RERE: variants seen among roughly 807,000 people sequenced by gnomAD.
RERE encodes arginine-glutamic acid dipeptide repeats.
Under a neutral mutation model 146.1 loss-of-function variants are expected in RERE, and 40 were observed. The ratio of observed to expected loss-of-function variants is 0.27; its 90% CI spans 0.21 to 0.36. RERE has a LOEUF of 0.36. Among genes scored for constraint, RERE ranks in the 10% least tolerant of loss-of-function variants. The pLI, the probability that RERE is intolerant of heterozygous loss-of-function variation, is 1.00. For missense variants in RERE, 1,933 were observed against 2,138.7 expected (o/e 0.90, Z 1.90); for synonymous variants, 1,003 against 866.0 (o/e 1.16, Z -2.78).
At chr1:8,472,844 G>A (rs1449265295) in intron 10 of RERE, among the ~76,000 whole-genome samples, 3 of 151,812 alleles carry the variant, frequency 2.0e-5, no homozygotes, top group Non-Finnish European at 4.4e-5. Flanking sequence ...ACAGGTGTGT[G>A]GCAGTGGTGC....
Position 8,760,279 on chromosome 1 carries a change from G to A in RERE, c.-145+56881C>T, listed in dbSNP as rs191133539. On this transcript the variant is annotated intron_variant, in intron 1 of 22. Coordinates refer to ENST00000400908, the MANE Select transcript of RERE (RefSeq NM_001042681.2). ...TGACCTCAGGTGATCCGCCCGCCTC[G>A]GCCTCCCAAAGTGCAGGGATTAGAG... Among the ~76,000 whole-genome samples the A allele has an allele frequency of 2.9e-3, 446 of 152,280 alleles. 2 individuals carry two copies. The highest frequency in any genetic ancestry group is 0.01 in the African/African-American group (423 of 41,556).
chr1:8,441,597 G>C (rs986402757), intron 11 of RERE, among the ~76,000 whole-genome samples: 1 of 152,206 alleles, frequency 6.6e-6, no homozygotes, highest in African/African-American at 2.4e-5. Flanking sequence ...GGTCCTAGTG[G>C]AAGTGTCATC....
chr1:8,366,054 A>G (rs1397078211), intron 12 of RERE, 80 bp from the exon 13 acceptor site: 2 of 1,419,468 alleles, frequency 1.4e-6, no homozygotes, highest in African/African-American at 1.4e-5. Context: ...CACAGTGGAA[A>G]GCTGGGTGTT....
At chr1:8,473,118 C>CTCTGGGTG (rs1411410626) in intron 10 of RERE, among the ~76,000 whole-genome samples, 1 of 152,166 alleles carries the variant, frequency 6.6e-6, no homozygotes, top group Non-Finnish European at 1.5e-5. Context: ...GGCCTTTGGT[C>CTCTGGGTG]TCTGGGTGTG....
In RERE at chr1:8,694,979, G is replaced by GGC. The variant is rs1553135252; in HGVS notation, c.-144-38539_-144-38538insGC. 4.5e-4 allele frequency among the ~76,000 whole-genome samples: 62 copies of GGC among 137,904 alleles called. 12 individuals are homozygous for GGC. The highest frequency in any genetic ancestry group is 1.4e-3 in the African/African-American group (52 of 36,406). The allele number at this position is 137,904 out of a possible 152,430, so 90.5% of individuals were successfully genotyped here. A position where few individuals can be genotyped will look rare whatever the true frequency, so the allele number is the denominator to read the frequency against. ...AAGAGCCAAAGAAATCCTAAGGGGGGGGGGGGAATGCTGGCAGCATCACAT... is the reference window on the plus strand; with the variant it reads ...AAGAGCCAAAGAAATCCTAAGGGGGGGCGGGGGGAATGCTGGCAGCATCACAT... On this transcript the variant is annotated intron_variant, in intron 1 of 22. Coordinates refer to ENST00000400908, the MANE Select transcript of RERE (RefSeq NM_001042681.2).
chr1:8,615,292 C>G (rs531656700), intron 3 of RERE, among the ~76,000 whole-genome samples: 2 of 152,296 alleles, frequency 1.3e-5, no homozygotes, highest in South Asian at 4.1e-4. Flanking sequence ...TTTCTCCAAA[C>G]GCCCACAAGG....
At chr1:8,625,813 A>C (rs548867321) in intron 2 of RERE, among the ~76,000 whole-genome samples, 1 of 152,350 alleles carries the variant, frequency 6.6e-6, no homozygotes, top group Non-Finnish European at 1.5e-5. Context: ...AAGTCCTCAC[A>C]AATGAGTACA....
At chr1:8,751,776 TTAAAA>T (rs1440331321) in intron 1 of RERE, among the ~76,000 whole-genome samples, 29 of 125,062 alleles carry the variant, frequency 2.3e-4, no homozygotes, top group Non-Finnish European at 3.8e-4. Flanking sequence ...CCCTTTCACT[TTAAAA>T]AAAAAAAAAA....
chr1:8,414,513 G>A (rs974749512), intron 12 of RERE, among the ~76,000 whole-genome samples: 7 of 152,106 alleles, frequency 4.6e-5, no homozygotes, highest in African/African-American at 1.7e-4. Context: ...CTGAGATCGC[G>A]CCACTGCACT....
chr1:8,462,351 G>A (rs1035760056), intron 11 of RERE, among the ~76,000 whole-genome samples: 2 of 152,252 alleles, frequency 1.3e-5, no homozygotes, highest in African/African-American at 4.8e-5. Context: ...AAGGAATGAA[G>A]AGCTGGGGAT....
intron 1 of RERE, among the ~76,000 whole-genome samples, chr1:8,728,568 A>C (rs1204974184): frequency 6.6e-6 from 1 of 152,154 alleles, no homozygotes; most frequent in Non-Finnish European, 1.5e-5. Flanking sequence ...TCAATTACCC[A>C]CAGTTATTTG....
intron 12 of RERE, among the ~76,000 whole-genome samples, chr1:8,422,515 C>CCAGGCGGATAAGCATAATCTGTCACTTTA (rs1266878590): frequency 8.5e-5 from 13 of 152,180 alleles, no homozygotes; most frequent in African/African-American, 3.1e-4. Flanking sequence ...TCTATGTTCT[C>CCAGGCGGATAAGCATAATCTGTCACTTTA]CAGGCGGATA....
intron 12 of RERE, among the ~76,000 whole-genome samples, chr1:8,414,055 CAAA>C (rs71580026): frequency 1.1e-5 from 1 of 91,762 alleles, no homozygotes. Flanking sequence ...AACTCCATCT[CAAA>C]AAAAAAAAAA....
intron 12 of RERE, among the ~76,000 whole-genome samples, chr1:8,412,950 G>C (rs929558468): frequency 1.3e-5 from 2 of 152,174 alleles, no homozygotes; most frequent in Non-Finnish European, 2.9e-5. Context: ...TCCTATGACT[G>C]TTGATGGATT....
chr1:8,458,254 A>G (rs531046632), intron 11 of RERE, among the ~76,000 whole-genome samples: 1 of 152,146 alleles, frequency 6.6e-6, no homozygotes, highest in Non-Finnish European at 1.5e-5. Context: ...TTTTAAATGA[A>G]CAGAGAAAGA....
intron 1 of RERE, among the ~76,000 whole-genome samples, chr1:8,666,795 A>G (rs760796549): frequency 4.3e-4 from 66 of 152,230 alleles, no homozygotes; most frequent in Non-Finnish European, 6.0e-4. Flanking sequence ...TGGTATTGAG[A>G]GTTTTTCCAT....
chr1:8,509,744 T>C (rs1317164565), intron 7 of RERE, among the ~76,000 whole-genome samples: 1 of 152,092 alleles, frequency 6.6e-6, no homozygotes, highest in East Asian at 1.9e-4. Flanking sequence ...CAGTGAGCCA[T>C]GTTCGCACCA....
chr1:8,780,151 T>C (rs191000577), intron 1 of RERE, among the ~76,000 whole-genome samples: 29 of 152,342 alleles, frequency 1.9e-4, no homozygotes, highest in African/African-American at 7.0e-4. Flanking sequence ...AAGACTGGGT[T>C]CTAATGCCAA....
At chr1:8,463,540 C>T (rs1015138226) in intron 11 of RERE, among the ~76,000 whole-genome samples, 9 of 152,124 alleles carry the variant, frequency 5.9e-5, no homozygotes, top group Non-Finnish European at 1.3e-4. Context: ...TACAAGCAGG[C>T]GCTGCAGGAA....
Sources: allele counts gnomAD v4.1 joint callset (sites outside exome capture counted in the v4.1 genomes callset), GRCh38; gene constraint gnomAD v4.1.1; transcripts MANE v1.5; gene names NCBI Gene and HGNC (gene_info 2026-07-23, HGNC 2026-07-21).